The following PIBF1 variants were observed in gnomAD, a reference collection of about 807,000 sequenced individuals.
The protein encoded by PIBF1 is progesterone immunomodulatory binding factor 1.
A neutral mutation model predicts 112.5 loss-of-function variants in PIBF1; 90 were observed. The ratio of observed to expected loss-of-function variants is 0.80; its 90% CI spans 0.67 to 0.95. The LOEUF (loss-of-function observed/expected upper bound fraction) is 0.95, where lower values mean the gene tolerates loss of function less well. Ranked by LOEUF, PIBF1 falls within the 40% of genes least tolerant of loss-of-function variation. PIBF1 has a pLI of 0.00. For missense variants in PIBF1, 915 were observed against 852.3 expected, an observed-to-expected ratio of 1.07 and a Z score of -0.92; for synonymous variants, 301 against 288.6, an observed-to-expected ratio of 1.04 and a Z score of -0.44.
At chr13:73,011,928 A>G (rs2044216138) in intron 17 of PIBF1, among the ~76,000 whole-genome samples, 1 of 152,218 alleles carries the variant, frequency 6.6e-6, no homozygotes, top group Non-Finnish European at 1.5e-5. Flanking sequence ...TTAGTATGCC[A>G]AGGGCTGCAA....
chr13:72,992,897 A>G (rs900653020), intron 16 of PIBF1, among the ~76,000 whole-genome samples: 4 of 152,210 alleles, frequency 2.6e-5, no homozygotes, highest in African/African-American at 9.6e-5. Flanking sequence ...ACTATCAGAA[A>G]CTGGAAGAAA....
intron 14 of PIBF1, among the ~76,000 whole-genome samples, chr13:72,936,053 A>T (rs925514086): frequency 1.3e-5 from 2 of 151,268 alleles, no homozygotes; most frequent in Non-Finnish European, 3.0e-5. Flanking sequence ...TTAGAGACAG[A>T]GTCTCACTCT....
At chr13:72,845,521 G>A (rs1170287015) in intron 9 of PIBF1, among the ~76,000 whole-genome samples, 1 of 152,018 alleles carries the variant, frequency 6.6e-6, no homozygotes, top group African/African-American at 2.4e-5. Context: ...AGTCCTTTTG[G>A]TATATACCTA....
intron 16 of PIBF1, among the ~76,000 whole-genome samples, chr13:72,975,809 C>G (rs1430805218): frequency 6.6e-6 from 1 of 152,192 alleles, no homozygotes; most frequent in East Asian, 1.9e-4. Context: ...TGTTTCTTCA[C>G]TGTGGAAACC....
At chr13:72,793,945 T>C (rs919990185) in intron 3 of PIBF1, among the ~76,000 whole-genome samples, 4 of 152,142 alleles carry the variant, frequency 2.6e-5, no homozygotes, top group African/African-American at 9.7e-5. Flanking sequence ...GAGGTACAAA[T>C]CTGGGGATCA....
chr13:73,014,233 C>T (rs923699651), intron 17 of PIBF1, among the ~76,000 whole-genome samples: 6 of 152,078 alleles, frequency 3.9e-5, no homozygotes, highest in African/African-American at 9.7e-5. Context: ...CTTGGCCTCC[C>T]GGTGTGAGCC....
chr13:72,973,786 A>G, intron 16 of PIBF1, 111 bp downstream of exon 16: 1 of 620,450 alleles, frequency 1.6e-6, no homozygotes, highest in South Asian at 2.1e-5. Flanking sequence ...GACTTCTCTT[A>G]TTTATGTCTC....
chr13:73,007,060 T>C (rs2044053154), intron 17 of PIBF1, among the ~76,000 whole-genome samples: 1 of 151,294 alleles, frequency 6.6e-6, no homozygotes. Context: ...TTTATATATA[T>C]CTGTAAAGCA....
Position 72,920,762 on chromosome 13 carries a change from C to T in PIBF1, c.1730+3596C>T, listed in dbSNP as rs190433817. On this transcript the variant is annotated intron_variant, in intron 13 of 17. Transcript: ENST00000326291. ...TAATTGCACCTGTGACTAGTCACTGCACTCCAGTCTGGGCAACATAGAGAG... is the reference window on the plus strand; with the variant it reads ...TAATTGCACCTGTGACTAGTCACTGTACTCCAGTCTGGGCAACATAGAGAG... Among the ~76,000 whole-genome samples, 18 of 151,910 alleles carry T rather than the reference C, an allele frequency of 1.2e-4. No individual in the cohort carries two copies. The East Asian group carries it at 3.1e-3, about 26-fold the overall frequency.
intron 8 of PIBF1, among the ~76,000 whole-genome samples, chr13:72,834,065 CT>C (rs1171905396): frequency 1.3e-5 from 2 of 151,918 alleles, no homozygotes; most frequent in Non-Finnish European, 1.5e-5. Flanking sequence ...TGACTAATAT[CT>C]CTATAGAAGT....
chr13:72,916,638 A>C (rs184910814), intron 12 of PIBF1, among the ~76,000 whole-genome samples: 15 of 152,130 alleles, frequency 9.9e-5, no homozygotes, highest in African/African-American at 2.9e-4. Context: ...ATAAGTACAT[A>C]ATTTTATTGT....
intron 12 of PIBF1, among the ~76,000 whole-genome samples, chr13:72,916,340 A>G (rs2041091401): frequency 6.6e-6 from 1 of 151,784 alleles, no homozygotes; most frequent in Non-Finnish European, 1.5e-5. Context: ...CGCTGTGAGC[A>G]GAGATCACGC....
At chr13:72,845,961 T>C (rs1043334209) in intron 9 of PIBF1, among the ~76,000 whole-genome samples, 5 of 152,178 alleles carry the variant, frequency 3.3e-5, no homozygotes, top group Admixed American at 2.0e-4. Flanking sequence ...TAGCAGTATG[T>C]AACACAGTTG....
intron 5 of PIBF1, among the ~76,000 whole-genome samples, chr13:72,820,404 G>A (rs954089395): frequency 3.3e-5 from 5 of 152,156 alleles, no homozygotes; most frequent in Non-Finnish European, 5.9e-5. Flanking sequence ...ATGATCTTTC[G>A]GGAGGTGATA....
intron 6 of PIBF1, among the ~76,000 whole-genome samples, chr13:72,823,502 G>A (rs973511613): frequency 1.1e-4 from 16 of 151,974 alleles, no homozygotes; most frequent in Admixed American, 6.5e-4. Context: ...TCACTCAGCA[G>A]AATGAATGAG....
At chr13:72,917,039 A>T in intron 12 of PIBF1, 37 bp from the exon 13 acceptor site, 1 of 1,310,570 alleles carries the variant, frequency 7.6e-7, no homozygotes, top group Non-Finnish European at 1.1e-6. Context: ...AAGGAAAAAT[A>T]AAGTTATTTC....
At chr13:73,001,581 A>AATTTTTTTTTTTTTTTTT (rs1491176240) in intron 17 of PIBF1, among the ~76,000 whole-genome samples, 2 of 2,392 alleles carry the variant, frequency 8.4e-4, no homozygotes, top group Non-Finnish European at 2.4e-3. Context: ...TAAGAGCTTG[A>AATTTTTTTTTTTTTTTTT]CTTTTTTTTT....
intron 16 of PIBF1, among the ~76,000 whole-genome samples, chr13:72,986,605 G>A (rs897762141): frequency 2.6e-5 from 4 of 150,962 alleles, no homozygotes; most frequent in African/African-American, 7.3e-5. Flanking sequence ...GCTATCATTC[G>A]TATAAAAGCA....
chr13:72,905,424 G>C (rs1426943296), intron 11 of PIBF1, among the ~76,000 whole-genome samples: 3 of 151,878 alleles, frequency 2.0e-5, no homozygotes, highest in African/African-American at 7.3e-5. Flanking sequence ...ATCTCTCCAA[G>C]ATTACACTTC....
Sources: allele counts gnomAD v4.1 joint callset (sites outside exome capture counted in the v4.1 genomes callset), GRCh38; gene constraint gnomAD v4.1.1; transcripts MANE v1.5; gene names NCBI Gene and HGNC (gene_info 2026-07-23, HGNC 2026-07-21).